The following CD99 variants were observed in gnomAD, a reference collection of about 807,000 sequenced individuals.
CD99 encodes CD99 antigen.
Under a neutral mutation model 28.4 loss-of-function variants are expected in CD99, and 19 were observed. The observed-to-expected ratio is 0.67, with a 90% CI of 0.47 to 0.98. The LOEUF is 0.98. Among genes scored for constraint, CD99 ranks in the 50% least tolerant of loss-of-function variants. The pLI is 0.00. For missense variants in CD99, 283 were observed against 248.8 expected, an observed-to-expected ratio of 1.14 and a Z score of -0.92; for synonymous variants, 103 against 92.1, an observed-to-expected ratio of 1.12 and a Z score of -0.67.
At position 2,738,217 on chromosome X, in the gene CD99, G is replaced by A. The variant is rs11556084; in HGVS notation, c.493G>A (p.Asp165Asn). Reference sequence around the variant, plus strand: ...CTTTTCAGCAGAACAAGGGGAGGTGGACATGGAGAGCCACCGGAATGCCAA... The same window carrying A: ...CTTTTCAGCAGAACAAGGGGAGGTGAACATGGAGAGCCACCGGAATGCCAA... ...FKENAEQGEVDMESHRNANAE... is the reference protein window; with the variant it reads ...FKENAEQGEVNMESHRNANAE... Residue 165 changes from aspartate to asparagine, a missense_variant, in exon 9 of 10, where the codon GAC becomes AAC. Asp to Asn is a conservative substitution (Grantham distance 23). Coordinates refer to ENST00000381192, the MANE Select transcript of CD99 (RefSeq NM_002414.5). The A allele has an allele frequency of 0.049, 78,903 of 1,613,632 alleles. 2,261 individuals carry two copies. Among genetic ancestry groups the A allele is most frequent in the Non-Finnish European group, 0.059 (69,039 of 1,179,614 alleles).
At chrX:2,704,794 A>G (rs982203193) in intron 1 of CD99, among the ~76,000 whole-genome samples, 1 of 151,698 alleles carries the variant, frequency 6.6e-6, no homozygotes, top group Non-Finnish European at 1.5e-5. Context: ...GCTCCCTGCA[A>G]TCTCAACCTC....
intron 1 of CD99, 97 bp from the exon 2 acceptor site, chrX:2,714,325 C>G: frequency 9.7e-7 from 1 of 1,026,314 alleles, no homozygotes; most frequent in East Asian, 2.6e-5. Context: ...TTTTAAATAT[C>G]ACAAAAAGAA....
intron 5 of CD99, among the ~76,000 whole-genome samples, chrX:2,722,306 TTTA>T (rs1168133842): frequency 3.9e-5 from 6 of 152,168 alleles, no homozygotes; most frequent in Non-Finnish European, 4.4e-5. Context: ...GTTTTTCCAC[TTTA>T]TTTATGGTTT....
chrX:2,710,907 G>A lies in CD99; in HGVS notation c.68-3515G>A, dbSNP rs191948366. The stretch of plus-strand genomic sequence containing the variant: ...TTTTTTTGAGATGGAGTCTCCCTCT[G>A]TCACCCAGGCTGGAGTGCAGTGGCA... On this transcript the variant is annotated intron_variant, in intron 1 of 9. Transcript: ENST00000381192. Among the ~76,000 whole-genome samples the A allele has an allele frequency of 7.5e-3, 877 of 117,142 alleles. 7 individuals are homozygous for A. The highest frequency in any genetic ancestry group is 0.028 in the African/African-American group (843 of 29,768). The allele number at this position is 117,142 out of a possible 152,430, so 76.8% of individuals were successfully genotyped here. A position where few individuals can be genotyped will look rare whatever the true frequency, so the allele number is the denominator to read the frequency against.
intron 8 of CD99, among the ~76,000 whole-genome samples, chrX:2,729,127 C>T (rs2049457029): frequency 6.6e-6 from 1 of 152,186 alleles, no homozygotes; most frequent in Admixed American, 6.5e-5. Context: ...TGAGTCAAAG[C>T]ACCCGGCCTC....
At chrX:2,718,408 G>A (rs1481340320) in intron 3 of CD99, among the ~76,000 whole-genome samples, 16 of 141,748 alleles carry the variant, frequency 1.1e-4, no homozygotes, top group Non-Finnish European at 1.7e-4. Flanking sequence ...TCGCTCTGTC[G>A]CCCAGGCTGG....
chrX:2,712,752 CAG>C (rs1015248047), intron 1 of CD99, among the ~76,000 whole-genome samples: 1 of 152,092 alleles, frequency 6.6e-6, no homozygotes, highest in Non-Finnish European at 1.5e-5. Flanking sequence ...TTGACACACA[CAG>C]AAACACACAC....
At chrX:2,728,544 G>A (rs1309833645) in intron 8 of CD99, among the ~76,000 whole-genome samples, 1 of 152,088 alleles carries the variant, frequency 6.6e-6, no homozygotes, top group Non-Finnish European at 1.5e-5. Context: ...CAAATGGACA[G>A]ATGACCACAT....
intron 1 of CD99, among the ~76,000 whole-genome samples, chrX:2,710,808 C>T (rs766386183): frequency 6.7e-6 from 1 of 148,934 alleles, no homozygotes. Flanking sequence ...GAAACAGTTA[C>T]GAATTGATCT....
At chrX:2,709,382 A>T (rs1420373497) in intron 1 of CD99, among the ~76,000 whole-genome samples, 1 of 152,218 alleles carries the variant, frequency 6.6e-6, no homozygotes, top group Non-Finnish European at 1.5e-5. Flanking sequence ...TAGCACCCTC[A>T]CACATATGCA....
At chrX:2,713,841 T>C (rs1486185879) in intron 1 of CD99, among the ~76,000 whole-genome samples, 1 of 152,210 alleles carries the variant, frequency 6.6e-6, no homozygotes, top group African/African-American at 2.4e-5. Flanking sequence ...TTGGCTTTTC[T>C]TCAGTGCGCC....
chrX:2,697,121 G>T (rs1024045994), intron 1 of CD99, among the ~76,000 whole-genome samples: 1 of 152,102 alleles, frequency 6.6e-6, no homozygotes, highest in Non-Finnish European at 1.5e-5. Context: ...TAAAGAAGCC[G>T]CATGGGCAAA....
chrX:2,698,515 G>A (rs2047684513), intron 1 of CD99, among the ~76,000 whole-genome samples: 1 of 152,140 alleles, frequency 6.6e-6, no homozygotes, highest in Admixed American at 6.5e-5. Context: ...CGCCCAGGCT[G>A]AAGTGCAGTG....
At chrX:2,711,259 T>G (rs187832927) in intron 1 of CD99, among the ~76,000 whole-genome samples, 200 of 147,832 alleles carry the variant, frequency 1.4e-3, no homozygotes, top group African/African-American at 4.4e-3. Context: ...ATATATATAT[T>G]TGTATAAATA....
At chrX:2,718,334 C>G (rs2048834781) in intron 3 of CD99, among the ~76,000 whole-genome samples, 1 of 151,832 alleles carries the variant, frequency 6.6e-6, no homozygotes, top group South Asian at 2.1e-4. Context: ...TGGGCACACA[C>G]CTCATTTGTT....
chrX:2,703,964 C>CTG (rs1195599885), intron 1 of CD99, among the ~76,000 whole-genome samples: 1 of 152,092 alleles, frequency 6.6e-6, no homozygotes, highest in Non-Finnish European at 1.5e-5. Context: ...CCCTGCCTTG[C>CTG]TGTTGTCTGA....
chrX:2,732,568 T>TTCC (rs1569448872), intron 8 of CD99, among the ~76,000 whole-genome samples: 1 of 146,444 alleles, frequency 6.8e-6, no homozygotes, highest in African/African-American at 2.5e-5. Context: ...TCTCCCTCTC[T>TTCC]CTCTCTTTTC....
intron 2 of CD99, 99 bp downstream of exon 2, chrX:2,714,553 C>A: frequency 9.7e-7 from 1 of 1,033,162 alleles, no homozygotes; most frequent in Non-Finnish European, 1.5e-6. Flanking sequence ...TTCTAGACCA[C>A]CGCAATAACA....
chrX:2,728,173 C>T (rs1263879510), intron 8 of CD99, among the ~76,000 whole-genome samples: 1 of 148,568 alleles, frequency 6.7e-6, no homozygotes, highest in Non-Finnish European at 1.5e-5. Context: ...GGTGGGCAGA[C>T]GAGTGGGAAA....
Sources: gnomAD v4.1 joint callset for allele counts (sites outside exome capture counted in the v4.1 genomes callset) on GRCh38, gnomAD v4.1.1 for gene constraint, MANE v1.5 for transcripts, NCBI Gene and HGNC (gene_info 2026-07-23, HGNC 2026-07-21) for gene names.